PTPRD: variants seen among roughly 807,000 people sequenced by gnomAD.
The protein encoded by PTPRD is protein tyrosine phosphatase receptor type D.
PTPRD carries 34 observed loss-of-function variants against 214.5 expected under a neutral mutation model. The ratio of observed to expected loss-of-function variants is 0.16; its 90% CI spans 0.12 to 0.21. The LOEUF (loss-of-function observed/expected upper bound fraction) is 0.21. Among genes scored for constraint, PTPRD ranks in the 10% least tolerant of loss-of-function variants. The pLI is 1.00. For missense variants in PTPRD, 2,545 were observed against 2,398.7 expected, an observed-to-expected ratio of 1.06 and a Z score of -1.27; for synonymous variants, 1,128 against 845.7, an observed-to-expected ratio of 1.33 and a Z score of -5.79.
intron 2 of PTPRD, among the ~76,000 whole-genome samples, chr9:10,479,782 C>T (rs1159334840): frequency 6.6e-6 from 1 of 152,032 alleles, no homozygotes; most frequent in African/African-American, 2.4e-5. Flanking sequence ...GATTACACGA[C>T]TGTACTTCAG....
At chr9:8,921,235 T>C (rs759589874) in intron 11 of PTPRD, among the ~76,000 whole-genome samples, 3 of 152,194 alleles carry the variant, frequency 2.0e-5, no homozygotes, top group Non-Finnish European at 4.4e-5. Context: ...AGAACTATTA[T>C]CTATACCAGA....
chr9:9,459,345 C>A (rs1031817001), intron 8 of PTPRD, among the ~76,000 whole-genome samples: 8 of 152,066 alleles, frequency 5.3e-5, no homozygotes, highest in Non-Finnish European at 1.2e-4. Context: ...AGTGGAAATA[C>A]TGGCCAGAGT....
intron 8 of PTPRD, among the ~76,000 whole-genome samples, chr9:9,519,364 AC>A (rs200094737): frequency 9.0e-3 from 54 of 5,986 alleles, no homozygotes; most frequent in African/African-American, 0.01. Flanking sequence ...AATAAATGAA[AC>A]AAAAAAAACC....
intron 35 of PTPRD, among the ~76,000 whole-genome samples, chr9:8,430,211 C>A (rs1195890947): frequency 1.3e-5 from 2 of 152,090 alleles, no homozygotes; most frequent in Non-Finnish European, 2.9e-5. Context: ...TTTACATTTT[C>A]TCTAACTTTA....
chr9:10,333,087 A>T (rs77025217), intron 3 of PTPRD, among the ~76,000 whole-genome samples: 3,179 of 151,950 alleles, frequency 0.021, 121 homozygotes, highest in African/African-American at 0.072. Flanking sequence ...TATTTGCTGA[A>T]TAAATAAGTG....
chr9:10,255,589 G>C (rs968327042), intron 3 of PTPRD, among the ~76,000 whole-genome samples: 2 of 151,882 alleles, frequency 1.3e-5, no homozygotes, highest in Admixed American at 6.6e-5. Flanking sequence ...TATAAACACT[G>C]TATGCTTAGG....
At chr9:9,372,935 C>G (rs998033532) in intron 9 of PTPRD, among the ~76,000 whole-genome samples, 2 of 152,012 alleles carry the variant, frequency 1.3e-5, no homozygotes, top group African/African-American at 4.8e-5. Context: ...TGCACACTCT[C>G]CATTTTGAGA....
chr9:10,134,659 A>G (rs2098928947), intron 3 of PTPRD, among the ~76,000 whole-genome samples: 1 of 152,128 alleles, frequency 6.6e-6, no homozygotes, highest in Non-Finnish European at 1.5e-5. Context: ...AGTCGTGTAT[A>G]TTCAACTTAC....
Position 9,542,942 on chromosome 9 carries a change from C to A in PTPRD, c.-237+31790G>T, listed in dbSNP as rs1591194552. On this transcript the variant is annotated intron_variant, in intron 8 of 45. Coordinates refer to ENST00000381196, the MANE Select transcript of PTPRD (RefSeq NM_002839.4). Reference sequence around the variant, plus strand: ...TTATAAAGCTAAACATAACCCTACTCAGCGTTTTCTAGCAATTCCAGTAAT... The same window carrying A: ...TTATAAAGCTAAACATAACCCTACTAAGCGTTTTCTAGCAATTCCAGTAAT... Among the ~76,000 whole-genome samples, 3 of 151,658 alleles carry A rather than the reference C, an allele frequency of 2.0e-5. No homozygotes were observed. The South Asian group carries it at 6.2e-4, about 31-fold the overall frequency.
intron 11 of PTPRD, among the ~76,000 whole-genome samples, 176 bp from the exon 12 acceptor site, chr9:8,734,122 G>A (rs1216048034): frequency 6.6e-6 from 1 of 152,218 alleles, no homozygotes; most frequent in African/African-American, 2.4e-5. Flanking sequence ...AACTTGGTTT[G>A]TAAAATGTAG....
chr9:9,843,446 T>A (rs2153643788), intron 5 of PTPRD, among the ~76,000 whole-genome samples: 1 of 152,082 alleles, frequency 6.6e-6, no homozygotes, highest in South Asian at 2.1e-4. Flanking sequence ...TTGGCCAAGT[T>A]ACTTATATAC....
In PTPRD at chr9:9,294,129, T is replaced by G. The variant is rs531217453; in HGVS notation, c.-203+103320A>C. On this transcript the variant is annotated intron_variant, in intron 9 of 45. Transcript: ENST00000381196. ...TGCATTTGCCTTATATATGGAGGAT[T>G]CACATCCTGGGAGGGATGACATGAA... 2.7e-3 allele frequency among the ~76,000 whole-genome samples: 407 copies of G among 151,774 alleles called. 1 individual carries two copies. The highest frequency in any genetic ancestry group is 9.3e-3 in the African/African-American group (385 of 41,476).
At chr9:9,668,040 C>A (rs1225878426) in intron 7 of PTPRD, among the ~76,000 whole-genome samples, 1 of 152,078 alleles carries the variant, frequency 6.6e-6, no homozygotes, top group Non-Finnish European at 1.5e-5. Flanking sequence ...AATTCAAAAT[C>A]AGAGCTAAAA....
At chr9:9,333,024 C>T (rs773796921) in intron 9 of PTPRD, among the ~76,000 whole-genome samples, 3 of 151,880 alleles carry the variant, frequency 2.0e-5, no homozygotes, top group African/African-American at 4.8e-5. Flanking sequence ...GACACTGAAT[C>T]GGTGGAACAC....
At chr9:9,600,318 T>C (rs926917645) in intron 7 of PTPRD, among the ~76,000 whole-genome samples, 1 of 152,066 alleles carries the variant, frequency 6.6e-6, no homozygotes, top group African/African-American at 2.4e-5. Flanking sequence ...AGTATGTTTC[T>C]TTTTTGCACA....
intron 9 of PTPRD, among the ~76,000 whole-genome samples, chr9:9,340,419 G>A (rs564057238): frequency 1.3e-5 from 2 of 152,254 alleles, no homozygotes; most frequent in South Asian, 4.1e-4. Context: ...TTTTAATTAT[G>A]CTTATTATAC....
chr9:10,366,804 A>C (rs1369607766), intron 2 of PTPRD, among the ~76,000 whole-genome samples: 1 of 152,168 alleles, frequency 6.6e-6, no homozygotes, highest in Admixed American at 6.6e-5. Context: ...GTGCACTAAA[A>C]AAACTCATAA....
chr9:9,953,085 C>T (rs1020695330), intron 4 of PTPRD, among the ~76,000 whole-genome samples: 2 of 151,890 alleles, frequency 1.3e-5, no homozygotes, highest in Non-Finnish European at 2.9e-5. Flanking sequence ...AGGTGGTGAC[C>T]CACATCATAT....
At chr9:10,552,724 C>G (rs1404878817) in intron 2 of PTPRD, among the ~76,000 whole-genome samples, 1 of 151,852 alleles carries the variant, frequency 6.6e-6, no homozygotes, top group African/African-American at 2.4e-5. Context: ...TTTCAGTCTT[C>G]TAGAGAAAAG....
Sources: gnomAD v4.1 joint callset for allele counts (sites outside exome capture counted in the v4.1 genomes callset) on GRCh38, gnomAD v4.1.1 for gene constraint, MANE v1.5 for transcripts, NCBI Gene and HGNC (gene_info 2026-07-23, HGNC 2026-07-21) for gene names.